Variants in CEP295 observed in about 807,000 individuals in gnomAD.
The protein encoded by CEP295 is centrosomal protein 295, also known as centrosomal protein of 295 kDa.
CEP295 carries 190 observed loss-of-function variants against 291.6 expected under a neutral mutation model. The ratio of observed to expected loss-of-function variants is 0.65; its 90% confidence interval spans 0.58 to 0.73. The LOEUF (loss-of-function observed/expected upper bound fraction) is 0.73. Among genes scored for constraint, CEP295 ranks in the 30% least tolerant of loss-of-function variants. The probability of loss-of-function intolerance (pLI) is 0.00; values close to 1 mark genes in which losing one functional copy is unlikely to be tolerated. For synonymous variants in CEP295, 993 were observed against 1,038.8 expected, an observed-to-expected ratio of 0.96 and a Z score of 0.85; for missense variants, 2,863 against 2,949.4, an observed-to-expected ratio of 0.97 and a Z score of 0.68.
chr11:93,678,177 T>C (rs1278755197), intron 6 of CEP295, among the ~76,000 whole-genome samples: 1 of 152,214 alleles, frequency 6.6e-6, no homozygotes, highest in Non-Finnish European at 1.5e-5. Context: ...CTTCAAGAGA[T>C]GTGAAGAATT....
At position 93,668,838 on chromosome 11, in the gene CEP295, G is replaced by A. The variant is rs1950305258; in HGVS notation, c.340G>A (p.Ala114Thr). Residue 114 changes from alanine to threonine, a missense_variant, in exon 4 of 30, where the codon GCA (alanine) becomes ACA (threonine). By Grantham distance (58) the Ala-to-Thr change is moderately conservative. This residue lies in a region of CEP295 where 554 missense variants were observed against 576.0 expected (regional missense o/e 0.96). Transcript: ENST00000325212. ...EPDLDALAQRAAERKRKADLR... is the reference protein window; with the variant it reads ...EPDLDALAQRTAERKRKADLR... Reference sequence around the variant, plus strand: ...TGATTTGGATGCTTTGGCACAGCGGGCAGCAGAAAGGAAAAGAAAAGCAGA... The same window carrying A: ...TGATTTGGATGCTTTGGCACAGCGGACAGCAGAAAGGAAAAGAAAAGCAGA... The A allele has an allele frequency of 2.0e-6, 3 of 1,527,000 alleles. No homozygotes were observed. Among genetic ancestry groups the A allele is most frequent in the Non-Finnish European group, 8.8e-7 (1 of 1,136,088 alleles). 94.6% of individuals were successfully genotyped at this position (1,527,000 alleles called of 1,614,324 possible). A position where few individuals can be genotyped will look rare whatever the true frequency, so the allele number is the denominator to read the frequency against.
At position 93,728,673 on chromosome 11, in the gene CEP295, G is replaced by GC. The variant is rs1212216331; in HGVS notation, c.7162-8_7162-7insC. On this transcript the variant is annotated splice_polypyrimidine_tract_variant and splice_region_variant and intron_variant, in intron 24 of 29. Transcript: ENST00000325212. ...TGACATGGTTTTCCTTTTAATTGTG[G>GC]TTCACAGGAAACAGAAACTGGCCAT... 1 of 1,524,676 alleles carries GC rather than the reference G, an allele frequency of 6.6e-7. No homozygotes were observed. The highest frequency in any genetic ancestry group is 2.3e-5 in the Admixed American group (1 of 44,030). The allele number at this position is 1,524,676 out of a possible 1,614,324, so 94.4% of individuals were successfully genotyped here. A position where few individuals can be genotyped will look rare whatever the true frequency, so the allele number is the denominator to read the frequency against.
intron 21 of CEP295, 50 bp downstream of exon 21, chr11:93,723,339 T>C: frequency 3.1e-6 from 4 of 1,290,056 alleles, no homozygotes; most frequent in Non-Finnish European, 3.2e-6. Context: ...TTTTAAATTT[T>C]CACCTTTCAT....
At position 93,702,799 on chromosome 11, in the gene CEP295, G is replaced by A. The variant is rs1952256673; in HGVS notation, c.5476G>A (p.Gly1826Arg). The A allele has an allele frequency of 1.3e-6, 2 of 1,551,806 alleles. No homozygotes were observed. Among genetic ancestry groups the A allele is most frequent in the Non-Finnish European group, 1.7e-6 (2 of 1,147,030 alleles). ...AGGTGAGCATCTGGAGAAAGATCTG[G>A]GGAGAAGATCCTCAAAGCCACCTGT... The part of the protein sequence containing the change: ...QSGEHLEKDL[G>R]RRSSKPPVAK... Residue 1826 changes from glycine to arginine, a missense_variant, in exon 17 of 30, where the codon GGG (glycine) becomes AGG (arginine). Gly to Arg is a moderately radical substitution (Grantham distance 125). Coordinates refer to ENST00000325212, the MANE Select transcript of CEP295 (RefSeq NM_033395.2).
chr11:93,709,510 C>G (rs188064715), intron 18 of CEP295, among the ~76,000 whole-genome samples: 23 of 152,236 alleles, frequency 1.5e-4, no homozygotes, highest in Admixed American at 7.2e-4. Context: ...CTGTGTGTGT[C>G]TCTTTTTATG....
chr11:93,728,659 T>C, intron 24 of CEP295, 22 bp from the exon 25 acceptor site: 1 of 1,512,158 alleles, frequency 6.6e-7, no homozygotes, highest in Admixed American at 2.5e-5. Context: ...GACATGGTTT[T>C]CCTTTTAATT....
intron 23 of CEP295, among the ~76,000 whole-genome samples, chr11:93,726,109 G>GT (rs562686998): frequency 6.6e-6 from 1 of 151,488 alleles, no homozygotes; most frequent in Admixed American, 6.6e-5. Flanking sequence ...TTTTTTGTTT[G>GT]TTTTTTTTGT....
In CEP295 at chr11:93,679,530, T is replaced by C; in HGVS notation, c.743T>C (p.Met248Thr). The C allele has an allele frequency of 1.3e-6, 2 of 1,551,316 alleles. No individual in the cohort carries two copies. Among genetic ancestry groups the C allele is most frequent in the Non-Finnish European group, 1.7e-6 (2 of 1,146,806 alleles). Residue 248 changes from methionine (M) to threonine (T), a missense_variant, in exon 7 of 30, where the codon ATG (methionine) becomes ACG (threonine). Physicochemically the swap from Met to Thr is moderately conservative, Grantham distance 81. Transcript: ENST00000325212. Reference protein sequence around the residue: ...EKAHVRGFQAMKKIHLAQNQE... With the variant: ...EKAHVRGFQATKKIHLAQNQE... ...GCACATGTACGGGGATTCCAAGCAA[T>C]GAAGAAGATCCATTTGGCTCAAGTA...
chr11:93,674,697 A>C (rs1327760206), intron 5 of CEP295, among the ~76,000 whole-genome samples: 1 of 152,252 alleles, frequency 6.6e-6, no homozygotes. Flanking sequence ...CACTACTGGG[A>C]TATAATACAG....
chr11:93,710,776 G>A (rs1251774485), intron 18 of CEP295, among the ~76,000 whole-genome samples: 6 of 152,112 alleles, frequency 3.9e-5, no homozygotes, highest in African/African-American at 9.7e-5. Context: ...TTTTATTTCA[G>A]CTTTGATCTC....
chr11:93,704,456 G>A (rs1231022753), intron 17 of CEP295, among the ~76,000 whole-genome samples: 1 of 152,094 alleles, frequency 6.6e-6, no homozygotes, highest in Non-Finnish European at 1.5e-5. Flanking sequence ...GCGCTTGCCT[G>A]TAGTGTTCAG....
At chr11:93,718,915 C>T (rs1272194655) in intron 18 of CEP295, among the ~76,000 whole-genome samples, 3 of 152,158 alleles carry the variant, frequency 2.0e-5, no homozygotes, top group Admixed American at 6.5e-5. Context: ...TCGAGACCAG[C>T]CTGGCCAATA....
rs1950343412 is a variant in CEP295 at position 93,669,674 on chromosome 11, A to C, written c.435-3A>C. On this transcript the variant is annotated splice_region_variant and splice_polypyrimidine_tract_variant and intron_variant, in intron 4 of 29. Transcript: ENST00000325212. ...TAATTGATGACATCTCTTGTTTCTTAAGGCATATAAAAGCTCGAAAGGAAG... is the reference window on the plus strand; with the variant it reads ...TAATTGATGACATCTCTTGTTTCTTCAGGCATATAAAAGCTCGAAAGGAAG... 1 of 1,541,852 alleles carries C rather than the reference A, an allele frequency of 6.5e-7. No homozygotes were observed. Among genetic ancestry groups the C allele is most frequent in the South Asian group, 1.2e-5 (1 of 83,812 alleles).
At chr11:93,711,459 G>A (rs1944522385) in intron 18 of CEP295, among the ~76,000 whole-genome samples, 1 of 152,042 alleles carries the variant, frequency 6.6e-6, no homozygotes, top group African/African-American at 2.4e-5. Flanking sequence ...TGTGGTCAGA[G>A]AAGACAAGTG....
intron 18 of CEP295, among the ~76,000 whole-genome samples, chr11:93,711,023 CA>C (rs918211519): frequency 4.5e-4 from 68 of 152,062 alleles, no homozygotes; most frequent in African/African-American, 1.6e-3. Flanking sequence ...AAAGATCTGT[CA>C]ATTTTTTAAA....
chr11:93,667,167 A>G (rs143983333), intron 2 of CEP295, among the ~76,000 whole-genome samples: 5 of 152,310 alleles, frequency 3.3e-5, no homozygotes, highest in Admixed American at 1.3e-4. Flanking sequence ...ATTGCAGATA[A>G]CCCTTTTCTA....
Position 93,725,676 on chromosome 11 carries a change from A to G in CEP295, c.6344A>G (p.His2115Arg), listed in dbSNP as rs1954085915. Residue 2115 changes from histidine to arginine, a missense_variant, in exon 23 of 30, where the codon CAC becomes CGC. Physicochemically the swap from His to Arg is conservative, Grantham distance 29. Coordinates refer to ENST00000325212, the MANE Select transcript of CEP295 (RefSeq NM_033395.2). ...YQRSDSSSES[H>R]CATGLSKSTV... The stretch of plus-strand genomic sequence containing the variant: ...AGATCAGATTCTTCATCTGAAAGCC[A>G]CTGTGCTACTGGATTATCCAAAAGT... The G allele has an allele frequency of 3.9e-6, 6 of 1,545,256 alleles. No individual in the cohort carries two copies. In the South Asian group the frequency reaches 4.9e-5, roughly 13 times the overall value.
rs1378610415 is a variant in CEP295 at position 93,729,597 on chromosome 11, TTC to T, written c.7400-15_7400-14del. 1 of 1,550,016 alleles carries T rather than the reference TTC, an allele frequency of 6.5e-7. No individual in the cohort carries two copies. Among genetic ancestry groups the T allele is most frequent in the Non-Finnish European group, 8.7e-7 (1 of 1,146,246 alleles). On this transcript the variant is annotated splice_polypyrimidine_tract_variant and intron_variant, in intron 26 of 29. Transcript: ENST00000325212. ...TACTTTGCCTATTTCTGTCATAAAT[TTC>T]TTTTCCCCCAGCAGAAACCCCTCGC...
At chr11:93,721,438 G>A (rs1049788012) in intron 19 of CEP295, 26 bp downstream of exon 19, 3 of 1,363,586 alleles carry the variant, frequency 2.2e-6, no homozygotes, top group African/African-American at 2.9e-5. Flanking sequence ...ATGTTCACTC[G>A]ATTTTTAGAG....
Sources: gnomAD v4.1 joint callset for allele counts (sites outside exome capture counted in the v4.1 genomes callset) on GRCh38, gnomAD v4.1.1 for gene constraint, gnomAD v4.1.1 regional missense constraint, MANE v1.5 for transcripts, NCBI Gene and HGNC (gene_info 2026-07-23, HGNC 2026-07-21) for gene names.